Variants in NTN1 observed in about 807,000 individuals in gnomAD.
NTN1 encodes netrin-1.
NTN1 carries 11 observed loss-of-function variants against 54.2 expected under a neutral mutation model. That is an observed-to-expected ratio of 0.20 (90% CI 0.13 to 0.34). NTN1 has a LOEUF of 0.34. Ranked by LOEUF, NTN1 falls within the 10% of genes least tolerant of loss-of-function variation. The pLI, the probability that NTN1 is intolerant of heterozygous loss-of-function variation, is 1.00. For synonymous variants in NTN1, 371 were observed against 382.0 expected, an observed-to-expected ratio of 0.97 and a Z score of 0.33; for missense variants, 740 against 893.1, an observed-to-expected ratio of 0.83 and a Z score of 2.18.
chr17:9,209,004 C>G (rs1905034557), intron 5 of NTN1, among the ~76,000 whole-genome samples: 1 of 152,268 alleles, frequency 6.6e-6, no homozygotes, highest in Admixed American at 6.5e-5. Context: ...ATCATTCACC[C>G]TCCACTCTCA....
At chr17:9,056,881 G>A (rs1319647465) in intron 2 of NTN1, among the ~76,000 whole-genome samples, 1 of 152,316 alleles carries the variant, frequency 6.6e-6, no homozygotes, top group East Asian at 1.9e-4. Flanking sequence ...CAGCATGAAG[G>A]ATGAAAAGAC....
At position 9,022,592 on chromosome 17, in the gene NTN1, C is replaced by T. The variant is rs369647326; in HGVS notation, c.219C>T (p.Pro73=). Residue 73 remains proline (P), a synonymous_variant, in exon 2 of 7, where the codon CCC becomes CCT. Coordinates refer to ENST00000173229, the MANE Select transcript of NTN1 (RefSeq NM_004822.3). ...GCGTGTCCAGCACCTGCGGCCGGCC[C>T]CCGGCGCGCTACTGCGTGGTGAGCG... ...DVRVSSTCGR[P]PARYCVVSER... is the part of the protein sequence containing the mutation. 4.9e-4 allele frequency: 761 copies of T among 1,546,216 alleles called. 1 individual carries two copies. Among genetic ancestry groups the T allele is most frequent in the Non-Finnish European group, 5.7e-4 (654 of 1,146,096 alleles).
intron 2 of NTN1, among the ~76,000 whole-genome samples, chr17:9,076,801 T>C (rs1482121743): frequency 6.6e-6 from 1 of 152,184 alleles, no homozygotes; most frequent in Non-Finnish European, 1.5e-5. Context: ...CTTTCCAGGG[T>C]ATTTTGACAG....
intron 2 of NTN1, among the ~76,000 whole-genome samples, chr17:9,071,925 G>C (rs1280208491): frequency 6.6e-6 from 1 of 152,172 alleles, no homozygotes; most frequent in Admixed American, 6.5e-5. Flanking sequence ...GCCTTATATG[G>C]TGGCCCCTAC....
intron 2 of NTN1, among the ~76,000 whole-genome samples, chr17:9,124,032 C>G (rs977017373): frequency 2.6e-5 from 4 of 152,116 alleles, no homozygotes; most frequent in Non-Finnish European, 5.9e-5. Context: ...ATGCTCAGGT[C>G]TTCTTAGCAA....
intron 5 of NTN1, among the ~76,000 whole-genome samples, chr17:9,203,645 CA>C (rs369804000): frequency 3.3e-5 from 5 of 151,320 alleles, no homozygotes; most frequent in African/African-American, 1.2e-4. Flanking sequence ...CTAAAAAATA[CA>C]AAAAAAATTA....
chr17:9,030,824 A>G (rs2151509600), intron 2 of NTN1, among the ~76,000 whole-genome samples: 1 of 152,266 alleles, frequency 6.6e-6, no homozygotes, highest in South Asian at 2.1e-4. Context: ...TAAAGGGTTC[A>G]AGTAAATTTG....
chr17:9,187,872 A>G (rs2092438603), intron 5 of NTN1, among the ~76,000 whole-genome samples: 1 of 152,212 alleles, frequency 6.6e-6, no homozygotes, highest in Non-Finnish European at 1.5e-5. Context: ...GCTACAACAC[A>G]GAAGAACCTT....
intron 2 of NTN1, among the ~76,000 whole-genome samples, chr17:9,034,298 G>C (rs1482834164): frequency 6.6e-6 from 1 of 152,140 alleles, no homozygotes; most frequent in African/African-American, 2.4e-5. Context: ...CCTAGACCTT[G>C]GGATTTTATC....
At chr17:9,166,169 C>T (rs1312094750) in intron 3 of NTN1, among the ~76,000 whole-genome samples, 4 of 91,552 alleles carry the variant, frequency 4.4e-5, no homozygotes, top group Non-Finnish European at 1.0e-4. Context: ...CCACCACCAC[C>T]ACCACCACCA....
chr17:9,026,272 T>C (rs2091870190), intron 2 of NTN1, among the ~76,000 whole-genome samples: 1 of 152,098 alleles, frequency 6.6e-6, no homozygotes, highest in Non-Finnish European at 1.5e-5. Context: ...ACATATCCTA[T>C]ATGTTTTCTT....
chr17:9,162,740 T>G, intron 2 of NTN1, 73 bp from the exon 3 acceptor site: 1 of 1,433,696 alleles, frequency 7.0e-7, no homozygotes, highest in East Asian at 2.3e-5. Flanking sequence ...GGGTGGGGTT[T>G]CTTTTGACGC....
intron 5 of NTN1, among the ~76,000 whole-genome samples, chr17:9,207,632 T>G (rs9892349): frequency 0.08 from 12,239 of 152,192 alleles, 981 homozygotes; most frequent in African/African-American, 0.19. Flanking sequence ...GCTAGATCCT[T>G]TCCACTTCCC....
chr17:9,012,537 A>AAC, the NTN1 span, among the ~76,000 whole-genome samples: 28 of 25,218 alleles, frequency 1.1e-3, no homozygotes, highest in African/African-American at 5.4e-3. Context: ...AAAACAAAAC[A>AAC]AAAAAAAAAA....
chr17:9,160,212 T>C (rs1597510616), intron 2 of NTN1, among the ~76,000 whole-genome samples: 2 of 152,154 alleles, frequency 1.3e-5, no homozygotes. Context: ...CAAGAGATTC[T>C]CCTGCCTCAG....
intron 5 of NTN1, among the ~76,000 whole-genome samples, chr17:9,218,902 T>G (rs1905269390): frequency 7.2e-6 from 1 of 139,314 alleles, no homozygotes; most frequent in South Asian, 2.3e-4. Context: ...TGGTGTGGGA[T>G]GATGGCTTTT....
At chr17:9,073,600 A>C (rs1295647906) in intron 2 of NTN1, among the ~76,000 whole-genome samples, 1 of 152,318 alleles carries the variant, frequency 6.6e-6, no homozygotes, top group African/African-American at 2.4e-5. Context: ...CCTCCCGCCG[A>C]GTGCAGGAGT....
At chr17:9,111,069 G>A (rs2092188778) in intron 2 of NTN1, among the ~76,000 whole-genome samples, 1 of 151,754 alleles carries the variant, frequency 6.6e-6, no homozygotes, top group Non-Finnish European at 1.5e-5. Context: ...CGAGTAGCTG[G>A]GAGGATTACC....
At chr17:9,209,215 G>T (rs1047067972) in intron 5 of NTN1, among the ~76,000 whole-genome samples, 4 of 152,188 alleles carry the variant, frequency 2.6e-5, no homozygotes, top group Admixed American at 2.0e-4. Flanking sequence ...ACTTGGAATG[G>T]TGAATGACCC....
Sources: gnomAD v4.1 joint callset for allele counts (sites outside exome capture counted in the v4.1 genomes callset) on GRCh38, gnomAD v4.1.1 for gene constraint, MANE v1.5 for transcripts, NCBI Gene and HGNC (gene_info 2026-07-23, HGNC 2026-07-21) for gene names.